Variants in COMMD1 observed in about 807,000 individuals in gnomAD.
COMMD1 encodes the protein copper metabolism domain containing 1.
COMMD1 carries 10 observed loss-of-function variants against 17.2 expected under a neutral mutation model. The observed-to-expected ratio is 0.58, with a 90% confidence interval of 0.36 to 0.99. COMMD1 has a LOEUF of 0.99. Among genes scored for constraint, COMMD1 ranks in the 50% least tolerant of loss-of-function variants. The pLI is 0.01. For missense variants in COMMD1, 270 were observed against 231.8 expected, an observed-to-expected ratio of 1.17 and a Z score of -1.07; for synonymous variants, 97 against 91.6, an observed-to-expected ratio of 1.06 and a Z score of -0.34.
chr2:61,922,381 G>A lies in COMMD1; in HGVS notation c.180+16523G>A, dbSNP rs1471225201. On this transcript the variant is annotated intron_variant, in intron 1 of 2. Transcript: ENST00000311832. ...TGCCCAGGCTGGAATGCAATGGCAC[G>A]ATATTGGCTCACTGCAACCTCTGCC... is the stretch of plus-strand genomic sequence containing the variant. 3.3e-5 allele frequency among the ~76,000 whole-genome samples: 5 copies of A among 152,250 alleles called. No homozygotes were observed. In the East Asian group the frequency reaches 7.7e-4, roughly 23 times the overall value.
At chr2:61,935,369 C>A (rs1670577279) in intron 1 of COMMD1, among the ~76,000 whole-genome samples, 1 of 152,182 alleles carries the variant, frequency 6.6e-6, no homozygotes, top group African/African-American at 2.4e-5. Flanking sequence ...TGGCTAACGC[C>A]TGTAATCCCA....
At chr2:62,072,462 T>A (rs1671222921) in intron 2 of COMMD1, among the ~76,000 whole-genome samples, 1 of 152,228 alleles carries the variant, frequency 6.6e-6, no homozygotes, top group South Asian at 2.1e-4. Context: ...CCCTCTCTGC[T>A]GAGAGCTGTT....
chr2:62,074,166 GTGTTA>G (rs1671275151), intron 2 of COMMD1, among the ~76,000 whole-genome samples: 2 of 152,172 alleles, frequency 1.3e-5, no homozygotes, highest in African/African-American at 4.8e-5. Flanking sequence ...TCACATCAAT[GTGTTA>G]ATTAACCAGG....
intron 2 of COMMD1, among the ~76,000 whole-genome samples, chr2:62,038,219 C>T (rs144843914): frequency 0.03 from 4,490 of 152,158 alleles, 106 homozygotes; most frequent in East Asian, 0.088. Context: ...ATCCAGGAGG[C>T]GGAGGTTGCA....
intron 2 of COMMD1, among the ~76,000 whole-genome samples, chr2:62,133,534 C>T (rs1420537917): frequency 1.3e-5 from 2 of 148,890 alleles, no homozygotes; most frequent in East Asian, 3.9e-4. Context: ...ATTTTATATG[C>T]ACACAAGCTT....
chr2:61,953,161 C>G (rs1386012681), intron 1 of COMMD1, among the ~76,000 whole-genome samples: 1 of 151,648 alleles, frequency 6.6e-6, no homozygotes, highest in East Asian at 1.9e-4. Flanking sequence ...AGGGGTGTGC[C>G]ACCATGCCTA....
chr2:62,034,298 T>C (rs1480622823), intron 2 of COMMD1, among the ~76,000 whole-genome samples: 3 of 151,814 alleles, frequency 2.0e-5, no homozygotes, highest in Non-Finnish European at 4.4e-5. Flanking sequence ...GGTCAGACGT[T>C]CGAGATCAGC....
At chr2:62,124,427 T>A (rs1672837599) in intron 2 of COMMD1, among the ~76,000 whole-genome samples, 1 of 152,232 alleles carries the variant, frequency 6.6e-6, no homozygotes, top group Admixed American at 6.5e-5. Context: ...TTTTCCATCT[T>A]GTGGAAATAT....
chr2:61,961,087 A>G (rs1468232028), intron 1 of COMMD1, among the ~76,000 whole-genome samples: 1 of 152,234 alleles, frequency 6.6e-6, no homozygotes, highest in East Asian at 1.9e-4. Flanking sequence ...CCCACGTTGG[A>G]GCACCAAATT....
At chr2:62,033,987 G>A (rs1485956693) in intron 2 of COMMD1, among the ~76,000 whole-genome samples, 1 of 148,970 alleles carries the variant, frequency 6.7e-6, no homozygotes, top group African/African-American at 2.5e-5. Context: ...GTGTGCACCT[G>A]TAGTGCCAAC....
At chr2:61,892,142 A>G (rs529055592) in intron 1 of COMMD1, among the ~76,000 whole-genome samples, 2 of 151,950 alleles carry the variant, frequency 1.3e-5, no homozygotes, top group South Asian at 4.1e-4. Context: ...GCTTTCCTAT[A>G]TTTAAAAAAT....
In COMMD1 at chr2:61,889,202, CTTTTTTTTT is replaced by C. The variant is rs34949326; in HGVS notation, n.119+376_119+384del. On this transcript the variant is annotated intron_variant and non_coding_transcript_variant, in intron 1 of 2. Transcript: ENST00000472729. The stretch of plus-strand genomic sequence containing the variant: ...ACAGGCGTCAGCCACGAAGCCCGGC[CTTTTTTTTT>C]TTTTTTTTTTTTTTTGACAGAGTCT... Among the ~76,000 whole-genome samples, 205 of 54,788 alleles carry C rather than the reference CTTTTTTTTT, an allele frequency of 3.7e-3. 1 individual carries two copies. Among genetic ancestry groups the C allele is most frequent in the African/African-American group, 0.014 (181 of 13,078 alleles). 35.9% of individuals were successfully genotyped at this position (54,788 alleles called of 152,430 possible).
chr2:61,931,946 A>T (rs1407132675), intron 1 of COMMD1, among the ~76,000 whole-genome samples: 2 of 152,176 alleles, frequency 1.3e-5, no homozygotes, highest in Non-Finnish European at 2.9e-5. Context: ...TAGTTGCAGG[A>T]TTTCTATCCC....
intron 1 of COMMD1, among the ~76,000 whole-genome samples, chr2:61,924,549 G>A (rs1204119397): frequency 6.6e-6 from 1 of 152,144 alleles, no homozygotes; most frequent in Non-Finnish European, 1.5e-5. Flanking sequence ...GAAGCAGGAG[G>A]TGAGTCTGGT....
chr2:62,046,389 A>G (rs1670384152), intron 2 of COMMD1, among the ~76,000 whole-genome samples: 1 of 152,228 alleles, frequency 6.6e-6, no homozygotes, highest in South Asian at 2.1e-4. Context: ...CAAAAGTGCT[A>G]AGTAACTAAA....
chr2:62,122,435 C>G (rs1038283267), intron 2 of COMMD1, among the ~76,000 whole-genome samples: 1 of 125,614 alleles, frequency 8.0e-6, no homozygotes, highest in Admixed American at 8.2e-5. Context: ...CTCTAAGTTT[C>G]TTTCTTTTCT....
intron 2 of COMMD1, among the ~76,000 whole-genome samples, chr2:62,064,169 AT>A (rs1226360573): frequency 6.6e-6 from 1 of 151,422 alleles, no homozygotes; most frequent in African/African-American, 2.4e-5. Context: ...TTTTATTCTT[AT>A]TTTTTAACTT....
At chr2:62,084,353 T>C (rs1489981635) in intron 2 of COMMD1, among the ~76,000 whole-genome samples, 5 of 152,188 alleles carry the variant, frequency 3.3e-5, no homozygotes, top group African/African-American at 1.2e-4. Context: ...TATTATGTAT[T>C]ATATACTATA....
chr2:61,983,947 C>T (rs930495965), intron 1 of COMMD1, among the ~76,000 whole-genome samples: 3 of 152,260 alleles, frequency 2.0e-5, no homozygotes, highest in Non-Finnish European at 4.4e-5. Flanking sequence ...AGTTTTTCCT[C>T]TTTTTGACAT....
Sources: allele counts gnomAD v4.1 joint callset (sites outside exome capture counted in the v4.1 genomes callset), GRCh38; gene constraint gnomAD v4.1.1; transcripts MANE v1.5; gene names NCBI Gene and HGNC (gene_info 2026-07-23, HGNC 2026-07-21).